FBF1: variants seen among roughly 807,000 people sequenced by gnomAD.
FBF1 encodes Fas binding factor 1.
A neutral mutation model predicts 147.2 loss-of-function variants in FBF1; 119 were observed. The observed-to-expected ratio is 0.81, with a 90% confidence interval of 0.70 to 0.94. FBF1 has a LOEUF of 0.94. Among genes scored for constraint, FBF1 ranks in the 40% least tolerant of loss-of-function variants. The probability of loss-of-function intolerance (pLI) is 0.00; values close to 1 mark genes in which losing one functional copy is unlikely to be tolerated. For missense variants in FBF1, 1,449 were observed against 1,500.8 expected (o/e 0.97, Z 0.57); for synonymous variants, 601 against 609.0 (o/e 0.99, Z 0.19).
chr17:75,926,214 G>A, intron 11 of FBF1, 51 bp from the exon 12 acceptor site: 1 of 1,604,594 alleles, frequency 6.2e-7, no homozygotes, highest in Non-Finnish European at 8.5e-7. Context: ...GGGCTCTCGG[G>A]AATCCCACAG....
chr17:75,925,593 CT>C lies in FBF1; in HGVS notation c.869-148del, dbSNP rs1362409645. The C allele has an allele frequency of 4.5e-5, 32 of 714,440 alleles. No homozygotes were observed. The highest frequency in any genetic ancestry group is 8.9e-5 in the African/African-American group (5 of 56,090). 44.3% of individuals were successfully genotyped at this position (714,440 alleles called of 1,614,324 possible). A position where few individuals can be genotyped will look rare whatever the true frequency, so the allele number is the denominator to read the frequency against. On this transcript the variant is annotated intron_variant, in intron 12 of 29. Coordinates refer to ENST00000636174, the MANE Select transcript of FBF1 (RefSeq NM_001319193.2). This position sits in a 1 kb window ranked among gnomAD's most constrained non-coding sequence, Gnocchi z 5.0. ...TGCTGTGAAGGGAGCACCTCAGGCA[CT>C]GGCCAGGAAGATGCAGTGGCCTTGC... is the stretch of plus-strand genomic sequence containing the variant.
At chr17:75,926,697 G>T in intron 10 of FBF1, 61 bp downstream of exon 10, 1 of 1,564,666 alleles carries the variant, frequency 6.4e-7, no homozygotes, top group Non-Finnish European at 8.7e-7. Context: ...CAGAAAGGCT[G>T]GTTAGCTTGT....
chr17:75,915,868 C>T (rs918631002), intron 23 of FBF1, among the ~76,000 whole-genome samples: 20 of 151,856 alleles, frequency 1.3e-4, no homozygotes, highest in African/African-American at 3.9e-4. Context: ...ATTAGCTGGG[C>T]GTGGTGGCAG....
chr17:75,914,269 G>A lies in FBF1; in HGVS notation c.2844C>T (p.Ser948=), dbSNP rs1291201615. The change falls in exon 26 of 30, where the codon AGC becomes AGT. Residue 948 remains serine, a synonymous_variant. Coordinates refer to ENST00000636174, the MANE Select transcript of FBF1 (RefSeq NM_001319193.2). The part of the protein sequence containing the change: ...KEQAELKIRA[S]ELRAEEKQLA... ...GCTGCTTCTCCTCGGCCCGGAGCTC[G>A]CTGGCCCTGATCTTCAGCTCAGCCT... 3 of 1,591,970 alleles carry A rather than the reference G, an allele frequency of 1.9e-6. No homozygotes were observed. Among genetic ancestry groups the A allele is most frequent in the East Asian group, 2.3e-5 (1 of 44,264 alleles).
intron 16 of FBF1, 52 bp from the exon 17 acceptor site, chr17:75,921,354 G>C: frequency 6.4e-7 from 1 of 1,551,744 alleles, no homozygotes; most frequent in Non-Finnish European, 8.8e-7. Flanking sequence ...CACTGGGCCT[G>C]CGAGTGTCCA....
At chr17:75,939,569 T>A (rs564330203) in intron 1 of FBF1, among the ~76,000 whole-genome samples, 41 of 151,224 alleles carry the variant, frequency 2.7e-4, no homozygotes, top group African/African-American at 7.7e-4. Context: ...CTTTTTAAAA[T>A]TTTTTTTTTC....
intron 23 of FBF1, among the ~76,000 whole-genome samples, chr17:75,916,695 A>G (rs1348759050): frequency 6.6e-6 from 1 of 152,232 alleles, no homozygotes; most frequent in African/African-American, 2.4e-5. Flanking sequence ...GTGGGAGGAC[A>G]AGGAAGGCTT....
intron 1 of FBF1, among the ~76,000 whole-genome samples, chr17:75,940,308 TCA>T (rs2065654996): frequency 6.6e-6 from 1 of 151,246 alleles, no homozygotes. Flanking sequence ...AGTGGCACGA[TCA>T]CAGCTCTCAT....
chr17:75,934,298 G>C (rs912606684), intron 4 of FBF1, among the ~76,000 whole-genome samples: 4 of 152,204 alleles, frequency 2.6e-5, no homozygotes, highest in Non-Finnish European at 4.4e-5. Context: ...AGGCATGGTA[G>C]CTCATGCCTG....
Position 75,914,119 on chromosome 17 carries a change from C to G in FBF1, c.2991+3G>C. ...CGCCCACGCCCATGTGCCCGAGCAG[C>G]ACCTTGCTCATGCTCTCCACCTCCT... On this transcript the variant is annotated splice_donor_region_variant and intron_variant, in intron 26 of 29. Transcript: ENST00000636174. The G allele has an allele frequency of 6.3e-7, 1 of 1,599,312 alleles. No individual in the cohort carries two copies. Among genetic ancestry groups the G allele is most frequent in the Non-Finnish European group, 8.5e-7 (1 of 1,176,466 alleles).
chr17:75,917,047 A>G (rs1254806436), intron 23 of FBF1, among the ~76,000 whole-genome samples: 1 of 152,038 alleles, frequency 6.6e-6, no homozygotes, highest in Non-Finnish European at 1.5e-5. Context: ...TAGTTTCACC[A>G]TGTTGGCCAG....
intron 5 of FBF1, 140 bp downstream of exon 5, chr17:75,932,855 C>T: frequency 1.8e-6 from 1 of 549,284 alleles, no homozygotes; most frequent in Non-Finnish European, 3.1e-6. Flanking sequence ...CACTGCACTC[C>T]AGCCTCGGCA....
chr17:75,930,119 C>A, intron 6 of FBF1, 72 bp from the exon 7 acceptor site: 1 of 1,254,734 alleles, frequency 8.0e-7, no homozygotes. Flanking sequence ...ACTCAGGGTC[C>A]TGGCCCCTTG....
Position 75,918,167 on chromosome 17 carries a change from G to T in FBF1, c.2241C>A (p.His747Gln). 1 of 1,613,452 alleles carries T rather than the reference G, an allele frequency of 6.2e-7. No homozygotes were observed. Among genetic ancestry groups the T allele is most frequent in the Non-Finnish European group, 8.5e-7 (1 of 1,179,830 alleles). Residue 747 changes from histidine (H) to glutamine (Q), a missense_variant, in exon 21 of 30, where the codon CAC becomes CAA. Transcript: ENST00000636174. The surrounding 1 kb of genome is among the most constrained non-coding windows in gnomAD (Gnocchi z 5.8). ...GGTTGGGGCAGCGCACATACCGCGTGTGGGAGGTGGCACTGGTGGCCGCAT... is the reference window on the plus strand; with the variant it reads ...GGTTGGGGCAGCGCACATACCGCGTTTGGGAGGTGGCACTGGTGGCCGCAT... The part of the protein sequence containing the change: ...EVDAATSATS[H>Q]TRSLNSIIHQ...
intron 4 of FBF1, 27 bp downstream of exon 4, chr17:75,935,605 A>G (rs1401601522): frequency 1.2e-5 from 18 of 1,533,292 alleles, no homozygotes; most frequent in Non-Finnish European, 1.6e-5. Flanking sequence ...AGCCCAAATT[A>G]GGGGATTCTG....
chr17:75,916,577 C>G (rs758016117), intron 23 of FBF1, among the ~76,000 whole-genome samples: 1 of 152,068 alleles, frequency 6.6e-6, no homozygotes, highest in Non-Finnish European at 1.5e-5. Context: ...TATGATCACA[C>G]CACTGCACTC....
rs1385508167 is a variant in FBF1, at chr17:75,909,918, C to G, written c.*805G>C. 3.0e-5 allele frequency: 21 copies of G among 700,788 alleles called. No homozygotes were observed. The highest frequency in any genetic ancestry group is 5.2e-5 in the Non-Finnish European group (20 of 384,144). The allele number at this position is 700,788 out of a possible 1,614,324, so 43.4% of individuals were successfully genotyped here. A position where few individuals can be genotyped will look rare whatever the true frequency, so the allele number is the denominator to read the frequency against. On this transcript the variant is annotated 3_prime_UTR_variant, in exon 30 of 30. Transcript: ENST00000636174. ...GAGTGGAGGAGGATCAGAGAAACCT[C>G]TGTAGTTGTGATTGGTTCCTTGTCG...
At chr17:75,926,647 AC>A (rs1567862130) in intron 10 of FBF1, 110 bp downstream of exon 10, 9 of 1,471,486 alleles carry the variant, frequency 6.1e-6, no homozygotes, top group Middle Eastern at 2.4e-4. Context: ...TGGACCTTAG[AC>A]CTCTGGTCCC....
Position 75,920,117 on chromosome 17 carries a change from A to G in FBF1, c.1831-10T>C, listed in dbSNP as rs781387089. On this transcript the variant is annotated splice_polypyrimidine_tract_variant and intron_variant, in intron 18 of 29. Transcript: ENST00000636174. ...GCTCCAGCTTCCGCACCTGGGAGAC[A>G]GCAGGAGGGCCAGCAACCAGGGAGG... 1 of 1,581,672 alleles carries G rather than the reference A, an allele frequency of 6.3e-7. No homozygotes were observed. Among genetic ancestry groups the G allele is most frequent in the Non-Finnish European group, 8.6e-7 (1 of 1,164,844 alleles).
Sources: allele counts gnomAD v4.1 joint callset (sites outside exome capture counted in the v4.1 genomes callset), GRCh38; gene constraint gnomAD v4.1.1; non-coding constraint Gnocchi (gnomAD v3.1); transcripts MANE v1.5; gene names NCBI Gene and HGNC (gene_info 2026-07-23, HGNC 2026-07-21).